Variants in ADGRB3 observed in about 807,000 individuals in gnomAD.
ADGRB3 encodes the protein brain-specific angiogenesis inhibitor 3.
In ADGRB3, 37 loss-of-function variants were observed where a neutral mutation model predicts 193.4. The ratio of observed to expected loss-of-function variants is 0.19; its 90% confidence interval spans 0.15 to 0.25. ADGRB3 has a LOEUF of 0.25. ADGRB3 is among the 10% of genes least tolerant of loss of function. The pLI is 1.00. For missense variants in ADGRB3, 1,637 were observed against 1,852.9 expected, an observed-to-expected ratio of 0.88 and a Z score of 2.14; for synonymous variants, 690 against 644.2, an observed-to-expected ratio of 1.07 and a Z score of -1.08.
intron 3 of ADGRB3, among the ~76,000 whole-genome samples, chr6:68,797,057 G>A (rs1201887666): frequency 6.6e-6 from 1 of 152,094 alleles, no homozygotes; most frequent in Non-Finnish European, 1.5e-5. Context: ...TTATCACAAG[G>A]CATAGCTAGC....
At chr6:69,383,446 A>G (rs1769993895) in intron 31 of ADGRB3, among the ~76,000 whole-genome samples, 1 of 151,962 alleles carries the variant, frequency 6.6e-6, no homozygotes, top group Non-Finnish European at 1.5e-5. Flanking sequence ...TTCTCTTCTC[A>G]TTCATTTACA....
intron 10 of ADGRB3, among the ~76,000 whole-genome samples, chr6:68,993,098 A>G (rs952400881): frequency 1.3e-5 from 2 of 152,074 alleles, no homozygotes; most frequent in African/African-American, 2.4e-5. Flanking sequence ...TTGGCAGCAC[A>G]TTTCTCTGAC....
At chr6:68,687,983 A>C (rs1231425974) in intron 3 of ADGRB3, among the ~76,000 whole-genome samples, 1 of 152,136 alleles carries the variant, frequency 6.6e-6, no homozygotes, top group South Asian at 2.1e-4. Context: ...ATTCCTGCCA[A>C]ACACATTCAG....
At chr6:69,238,862 C>G (rs1318565731) in intron 19 of ADGRB3, among the ~76,000 whole-genome samples, 2 of 151,762 alleles carry the variant, frequency 1.3e-5, no homozygotes, top group Non-Finnish European at 2.9e-5. Flanking sequence ...AACTTAGGCT[C>G]TATCAGAAAT....
chr6:69,317,555 G>A (rs145706153), intron 20 of ADGRB3, among the ~76,000 whole-genome samples: 14 of 151,352 alleles, frequency 9.2e-5, no homozygotes, highest in Non-Finnish European at 1.6e-4. Flanking sequence ...ATAAAACTGC[G>A]TAAGCCTTCT....
intron 10 of ADGRB3, among the ~76,000 whole-genome samples, chr6:68,984,120 G>C (rs1217698636): frequency 6.6e-6 from 1 of 152,072 alleles, no homozygotes; most frequent in African/African-American, 2.4e-5. Context: ...TAGGAGTTTG[G>C]ATTTAATACT....
At chr6:69,034,311 T>C (rs944032721) in intron 13 of ADGRB3, among the ~76,000 whole-genome samples, 1 of 151,732 alleles carries the variant, frequency 6.6e-6, no homozygotes, top group Non-Finnish European at 1.5e-5. Context: ...CTTACCTTAT[T>C]GCCCCCAAAT....
chr6:69,113,366 A>G (rs985018635), intron 17 of ADGRB3, among the ~76,000 whole-genome samples: 2 of 151,664 alleles, frequency 1.3e-5, no homozygotes, highest in African/African-American at 2.4e-5. Context: ...TGTATCATAT[A>G]TATGTATATG....
intron 3 of ADGRB3, among the ~76,000 whole-genome samples, chr6:68,752,736 T>C (rs757958196): frequency 6.6e-6 from 1 of 152,176 alleles, no homozygotes; most frequent in African/African-American, 2.4e-5. Flanking sequence ...GAGGCAATGT[T>C]GTAAATTCTT....
chr6:69,199,382 T>C (rs138365967), intron 17 of ADGRB3, among the ~76,000 whole-genome samples: 1,570 of 152,178 alleles, frequency 0.01, 29 homozygotes, highest in African/African-American at 0.036. Context: ...AGCTTCCACA[T>C]TGATAGATAG....
At chr6:69,258,173 T>G (rs1766823839) in intron 20 of ADGRB3, among the ~76,000 whole-genome samples, 1 of 149,940 alleles carries the variant, frequency 6.7e-6, no homozygotes, top group Admixed American at 6.7e-5. Context: ...CAACTATTTG[T>G]GTCAGTAGGA....
At chr6:68,791,138 TTCTGAG>T (rs1424010621) in intron 3 of ADGRB3, among the ~76,000 whole-genome samples, 1 of 152,114 alleles carries the variant, frequency 6.6e-6, no homozygotes, top group East Asian at 1.9e-4. Flanking sequence ...TGTCTTTACC[TTCTGAG>T]TTTCCTTAGC....
chr6:68,815,548 T>C (rs796121412), intron 3 of ADGRB3, among the ~76,000 whole-genome samples: 7 of 151,872 alleles, frequency 4.6e-5, no homozygotes, highest in African/African-American at 1.7e-4. Flanking sequence ...ATACTTTTAG[T>C]AGTGAACATT....
intron 5 of ADGRB3, 119 bp from the exon 6 acceptor site, chr6:68,943,709 TGA>T: frequency 7.9e-6 from 6 of 758,400 alleles, no homozygotes; most frequent in Non-Finnish European, 1.2e-5. Context: ...TTATCTCAAC[TGA>T]GTTTTAACAT....
intron 29 of ADGRB3, among the ~76,000 whole-genome samples, chr6:69,362,286 T>C (rs1769470372): frequency 6.6e-6 from 1 of 151,958 alleles, no homozygotes; most frequent in South Asian, 2.1e-4. Flanking sequence ...TACGATGCAA[T>C]ACATGCATAC....
chr6:69,311,794 T>C (rs1768200366), intron 20 of ADGRB3, among the ~76,000 whole-genome samples: 1 of 151,786 alleles, frequency 6.6e-6, no homozygotes, highest in Non-Finnish European at 1.5e-5. Context: ...TCTCCAAAAC[T>C]TGATGCAATC....
intron 17 of ADGRB3, among the ~76,000 whole-genome samples, chr6:69,164,491 A>C (rs1170479799): frequency 6.6e-6 from 1 of 152,114 alleles, no homozygotes; most frequent in Non-Finnish European, 1.5e-5. Flanking sequence ...TGAATAAATG[A>C]ATTTATTACT....
At chr6:69,165,381 C>T (rs9446102) in intron 17 of ADGRB3, among the ~76,000 whole-genome samples, 6,355 of 151,934 alleles carry the variant, frequency 0.042, 429 homozygotes, top group African/African-American at 0.14. Flanking sequence ...TCCTTGGGAA[C>T]TATCTTCTCC....
rs183438523 is a variant in ADGRB3, at chr6:69,062,051, C to T, written c.2334-883C>T. 1.5e-3 allele frequency among the ~76,000 whole-genome samples: 235 copies of T among 151,768 alleles called. 1 individual carries two copies. Among genetic ancestry groups the T allele is most frequent in the African/African-American group, 5.4e-3 (225 of 41,410 alleles). ...TGAATTCTCCAGAATAGTACATGACCGATGGAAGAGCATGTGGTTTATTAT... is the reference window on the plus strand; with the variant it reads ...TGAATTCTCCAGAATAGTACATGACTGATGGAAGAGCATGTGGTTTATTAT... On this transcript the variant is annotated intron_variant, in intron 15 of 31. Transcript: ENST00000370598.
Sources: allele counts gnomAD v4.1 joint callset (sites outside exome capture counted in the v4.1 genomes callset), GRCh38; gene constraint gnomAD v4.1.1; transcripts MANE v1.5; gene names NCBI Gene and HGNC (gene_info 2026-07-23, HGNC 2026-07-21).